The following MLIP variants were observed in gnomAD, a reference collection of about 807,000 sequenced individuals.
MLIP encodes the protein muscular LMNA-interacting protein.
A neutral mutation model predicts 84.8 loss-of-function variants in MLIP; 79 were observed. That is an observed-to-expected ratio of 0.93 (90% CI 0.78 to 1.12). MLIP has a LOEUF of 1.12. Ranked by LOEUF, MLIP falls within the 50% of genes most tolerant of loss-of-function variation. MLIP has a pLI of 0.00. For synonymous variants in MLIP, 504 were observed against 463.0 expected (o/e 1.09, Z -1.14); for missense variants, 1,257 against 1,160.6 (o/e 1.08, Z -1.21).
At position 54,137,443 on chromosome 6, in the gene MLIP, C is replaced by G. The variant is rs984297035; in HGVS notation, c.1374C>G (p.Thr458=). ...CACTTGACCAAAAAGAAAAGCAGAC[C>G]CCACCCACGCCTAAAAAATCTCTCT... ...TLTLDQKEKQ[T]PPTPKKSLSS... The change falls in exon 4 of 14, where the codon ACC becomes ACG. Residue 458 remains threonine (T), a synonymous_variant. Coordinates refer to ENST00000502396, the MANE Select transcript of MLIP (RefSeq NM_001281747.2). The G allele has an allele frequency of 4.6e-6, 7 of 1,536,032 alleles. No homozygotes were observed. The highest frequency in any genetic ancestry group is 3.9e-5 in the Admixed American group (2 of 50,984).
At chr6:54,141,806 C>T (rs925007915) in intron 4 of MLIP, among the ~76,000 whole-genome samples, 9 of 152,272 alleles carry the variant, frequency 5.9e-5, no homozygotes, top group Non-Finnish European at 8.8e-5. Context: ...ATCAAAGCCT[C>T]GTAGAGTCTG....
At chr6:54,230,988 T>C in intron 12 of MLIP, 71 bp downstream of exon 12, 4 of 1,285,372 alleles carry the variant, frequency 3.1e-6, no homozygotes, top group South Asian at 1.3e-5. Flanking sequence ...TTTTAAAACT[T>C]AAATGTGGAG....
At chr6:54,027,420 C>T (rs71548677) in intron 1 of MLIP, among the ~76,000 whole-genome samples, 24,227 of 133,196 alleles carry the variant, frequency 0.18, 2,867 homozygotes, top group East Asian at 0.65. Context: ...CACACACACA[C>T]ATATATACAT....
chr6:54,183,693 C>A (rs530086454), intron 9 of MLIP, among the ~76,000 whole-genome samples: 2 of 148,334 alleles, frequency 1.3e-5, no homozygotes, highest in East Asian at 2.0e-4. Context: ...TTATGAGGGG[C>A]GTATTACTAA....
intron 1 of MLIP, chr6:54,058,902 A>G (rs1053987884): frequency 2.0e-5 from 3 of 152,192 alleles, no homozygotes; most frequent in Non-Finnish European, 2.9e-5. Context: ...TAAGAGAAAG[A>G]TATGTGGAAA....
intron 1 of MLIP, among the ~76,000 whole-genome samples, chr6:54,074,016 G>A (rs998088047): frequency 1.3e-5 from 2 of 152,150 alleles, no homozygotes; most frequent in African/African-American, 4.8e-5. Context: ...ACCAATGTAA[G>A]TTTTACTTTT....
chr6:54,129,850 T>A (rs912437192), intron 3 of MLIP, among the ~76,000 whole-genome samples: 1 of 152,172 alleles, frequency 6.6e-6, no homozygotes, highest in African/African-American at 2.4e-5. Flanking sequence ...GACTAAGTAG[T>A]AATTCAGATT....
chr6:54,238,884 T>C (rs1781536933), intron 12 of MLIP, among the ~76,000 whole-genome samples: 1 of 152,240 alleles, frequency 6.6e-6, no homozygotes, highest in Admixed American at 6.5e-5. Context: ...TTTAGTTTTC[T>C]AAAAATGCAT....
intron 10 of MLIP, among the ~76,000 whole-genome samples, chr6:54,192,058 A>G (rs962384893): frequency 6.6e-5 from 10 of 151,388 alleles, no homozygotes; most frequent in African/African-American, 1.5e-4. Context: ...TTGTGAATGT[A>G]ATAAAAAAAA....
chr6:54,130,027 C>T (rs1318079679), intron 3 of MLIP, among the ~76,000 whole-genome samples: 3 of 152,052 alleles, frequency 2.0e-5, no homozygotes, highest in Admixed American at 1.3e-4. Context: ...CATTTCGTTT[C>T]GTGCTTAGGG....
intron 1 of MLIP, among the ~76,000 whole-genome samples, chr6:54,079,944 G>C (rs1412756506): frequency 1.3e-5 from 2 of 152,200 alleles, no homozygotes; most frequent in Admixed American, 1.3e-4. Flanking sequence ...GTTTACTGGA[G>C]GTTAGAAAGT....
chr6:54,112,575 G>C (rs1241044214), intron 1 of MLIP, among the ~76,000 whole-genome samples: 2 of 152,136 alleles, frequency 1.3e-5, no homozygotes, highest in South Asian at 2.1e-4. Flanking sequence ...TTCTCCAACA[G>C]TAACTCAGGA....
chr6:54,212,693 A>G (rs530114625), intron 11 of MLIP, among the ~76,000 whole-genome samples: 1 of 152,156 alleles, frequency 6.6e-6, no homozygotes, highest in South Asian at 2.1e-4. Flanking sequence ...AATCATCAAT[A>G]TGATTTATTG....
At chr6:54,200,427 G>T (rs140968020) in intron 10 of MLIP, among the ~76,000 whole-genome samples, 6 of 152,078 alleles carry the variant, frequency 3.9e-5, no homozygotes, top group African/African-American at 1.4e-4. Context: ...TGCCTCACAA[G>T]GGAGTAGAAG....
chr6:54,138,181 A>C lies in MLIP; in HGVS notation c.2112A>C (p.Ser704=), dbSNP rs1001246313. Residue 704 remains serine, a synonymous_variant, in exon 4 of 14, where the codon TCA becomes TCC. Coordinates refer to ENST00000502396, the MANE Select transcript of MLIP (RefSeq NM_001281747.2). The part of the protein sequence containing the change: ...KSESTTPNHR[S]PVSTPSLPIS... ...AAAGCACCACCCCCAACCACAGGTC[A>C]CCTGTTTCAACCCCATCACTTCCCA... 4.6e-6 allele frequency: 7 copies of C among 1,536,094 alleles called. No homozygotes were observed. The highest frequency in any genetic ancestry group is 3.6e-5 in the South Asian group (3 of 84,060).
At chr6:54,233,182 T>G (rs1482327535) in intron 12 of MLIP, among the ~76,000 whole-genome samples, 1 of 152,190 alleles carries the variant, frequency 6.6e-6, no homozygotes, top group Non-Finnish European at 1.5e-5. Context: ...CTTTTCTTTT[T>G]TTTGTTTTAA....
At chr6:54,226,921 C>G (rs1177471752) in intron 11 of MLIP, among the ~76,000 whole-genome samples, 4 of 152,200 alleles carry the variant, frequency 2.6e-5, no homozygotes, top group Non-Finnish European at 5.9e-5. Context: ...GGAAACCTCT[C>G]TATGCTAGGT....
At chr6:54,118,816 C>T (rs1278225138) in intron 1 of MLIP, among the ~76,000 whole-genome samples, 1 of 152,030 alleles carries the variant, frequency 6.6e-6, no homozygotes, top group African/African-American at 2.4e-5. Context: ...TCAAACAACT[C>T]AATAGCAAGA....
At chr6:54,134,033 G>T (rs1042365799) in intron 3 of MLIP, among the ~76,000 whole-genome samples, 4 of 152,106 alleles carry the variant, frequency 2.6e-5, no homozygotes, top group Admixed American at 2.0e-4. Flanking sequence ...GGGAGAAGGA[G>T]TTAGAGCATC....
Sources: gnomAD v4.1 joint callset for allele counts (sites outside exome capture counted in the v4.1 genomes callset) on GRCh38, gnomAD v4.1.1 for gene constraint, MANE v1.5 for transcripts, NCBI Gene and HGNC (gene_info 2026-07-23, HGNC 2026-07-21) for gene names.